The following ZNF461 variants were observed in gnomAD, a reference collection of about 807,000 sequenced individuals.
The protein encoded by ZNF461 is zinc finger protein 461, also known as gonadotropin-inducible ovarian transcription factor-1.
Under a neutral mutation model 18.3 loss-of-function variants are expected in ZNF461, and 16 were observed. That is an observed-to-expected ratio of 0.88 (90% CI 0.59 to 1.33). The LOEUF is 1.33. Among genes scored for constraint, ZNF461 ranks in the 40% most tolerant of loss-of-function variants. The pLI, the probability that ZNF461 is intolerant of heterozygous loss-of-function variation, is 0.00. For missense variants in ZNF461, 595 were observed against 669.9 expected, an observed-to-expected ratio of 0.89 and a Z score of 1.23; for synonymous variants, 179 against 216.9, an observed-to-expected ratio of 0.83 and a Z score of 1.54.
At position 36,636,878 on chromosome 19, in the gene ZNF461, C is replaced by T. The variant is rs2037301655; in HGVS notation, c.*1775G>A. 1.3e-5 allele frequency among the ~76,000 whole-genome samples: 2 copies of T among 152,216 alleles called. No individual in the cohort carries two copies. The highest frequency in any genetic ancestry group is 4.8e-5 in the African/African-American group (2 of 41,454). ...GGGAGTGGGCCTAACTAGAAGCCAG[C>T]ATATCTGGCCACATTCCAATGCTTC... On this transcript the variant is annotated 3_prime_UTR_variant, in exon 6 of 6. Transcript: ENST00000588268.
rs965933033 is a variant in ZNF461 at position 36,642,551 on chromosome 19, G to A, written c.301+1243C>T. Among the ~76,000 whole-genome samples the A allele has an allele frequency of 2.6e-5, 4 of 152,058 alleles. No individual in the cohort carries two copies. In the South Asian group the frequency reaches 8.3e-4, roughly 32 times the overall value. On this transcript the variant is annotated intron_variant, in intron 5 of 5. Transcript: ENST00000588268. The stretch of plus-strand genomic sequence containing the variant: ...ATGGGGAAGTGCAGGCAGGGAGGGC[G>A]GGCATATGAGCATATGCCAGGCACA...
rs2037722289 is a variant in ZNF461, at chr19:36,656,499, C to G, written c.181G>C (p.Gly61Arg). ...CTCACAACCATCCAGGGCTCCTTCC[C>G]TTGCTCCAATGAGGAGATTACGGCT... ...KPAVISSLEQ[G>R]KEPWMVVREE... The change falls in exon 4 of 6, where the codon GGG (glycine) becomes CGG (arginine). Residue 61 changes from glycine to arginine, a missense_variant. By Grantham distance (125) the Gly-to-Arg change is moderately radical. Coordinates refer to ENST00000588268, the MANE Select transcript of ZNF461 (RefSeq NM_153257.5). 2 of 1,614,152 alleles carry G rather than the reference C, an allele frequency of 1.2e-6. No individual in the cohort carries two copies. The highest frequency in any genetic ancestry group is 1.1e-5 in the South Asian group (1 of 91,082).
chr19:36,652,330 A>G (rs1187633995), intron 4 of ZNF461, among the ~76,000 whole-genome samples: 1 of 90,108 alleles, frequency 1.1e-5, no homozygotes, highest in Non-Finnish European at 2.6e-5. Context: ...CGCCTCTACT[A>G]AAAAAAAAAA....
At chr19:36,644,221 C>A (rs929702590) in intron 4 of ZNF461, among the ~76,000 whole-genome samples, 6 of 151,748 alleles carry the variant, frequency 4.0e-5, no homozygotes, top group African/African-American at 1.5e-4. Context: ...GTGTGAGCCA[C>A]CACACCCAGC....
In ZNF461 at chr19:36,637,028, A is replaced by G. The variant is rs1367358575; in HGVS notation, c.*1625T>C. On this transcript the variant is annotated 3_prime_UTR_variant, in exon 6 of 6. Transcript: ENST00000588268. Reference sequence around the variant, plus strand: ...CAGAGGCCTCTTGTGGCTTTCCACAACTTATTGTCCCATATTTTTATGGCC... The same window carrying G: ...CAGAGGCCTCTTGTGGCTTTCCACAGCTTATTGTCCCATATTTTTATGGCC... Among the ~76,000 whole-genome samples the G allele has an allele frequency of 6.6e-6, 1 of 152,112 alleles. No individual in the cohort carries two copies. The highest frequency in any genetic ancestry group is 1.5e-5 in the Non-Finnish European group (1 of 68,014).
Position 36,637,691 on chromosome 19 carries a change from A to G in ZNF461, c.*962T>C, listed in dbSNP as rs1460383492. 16 of 273,570 alleles carry G rather than the reference A, an allele frequency of 5.8e-5. No individual in the cohort carries two copies. The East Asian group carries it at 1.2e-3, about 21-fold the overall frequency. 16.9% of individuals were successfully genotyped at this position (273,570 alleles called of 1,614,324 possible). A position where few individuals can be genotyped will look rare whatever the true frequency, so the allele number is the denominator to read the frequency against. On this transcript the variant is annotated 3_prime_UTR_variant, in exon 6 of 6. Transcript: ENST00000588268. ...CAGCCTGGGTGTGTCTCAAAAAAAA[A>G]AAAAATGAAGTAGGCCAAATGTGGA...
At chr19:36,640,161 G>T in intron 5 of ZNF461, 118 bp from the exon 6 acceptor site, 1 of 906,884 alleles carries the variant, frequency 1.1e-6, no homozygotes, top group African/African-American at 1.7e-5. Flanking sequence ...AAGGCTTGGA[G>T]AACTCTTAAA....
chr19:36,639,170 T>C lies in ZNF461; in HGVS notation c.1175A>G (p.Lys392Arg). Residue 392 changes from lysine (K) to arginine (R), a missense_variant, in exon 6 of 6, where the codon AAG (lysine) becomes AGG (arginine). Transcript: ENST00000588268. The stretch of plus-strand genomic sequence containing the variant: ...GAAGCTTGAGTGATAGCTAAAGGCC[T>C]TCCCACATTCCCGACATTCATAGGG... ...EKPYECRECGKAFSYHSSFSH... is the reference protein window; with the variant it reads ...EKPYECRECGRAFSYHSSFSH... The C allele has an allele frequency of 6.2e-7, 1 of 1,614,122 alleles. No individual in the cohort carries two copies. Among genetic ancestry groups the C allele is most frequent in the Non-Finnish European group, 8.5e-7 (1 of 1,180,030 alleles).
chr19:36,652,169 A>T (rs1029926402), intron 4 of ZNF461, among the ~76,000 whole-genome samples: 2 of 152,138 alleles, frequency 1.3e-5, no homozygotes, highest in African/African-American at 4.8e-5. Context: ...CACAAAATGA[A>T]CCACGAACTT....
chr19:36,637,837 C>G lies in ZNF461; in HGVS notation c.*816G>C, dbSNP rs1207836369. The G allele has an allele frequency of 2.3e-6, 1 of 433,558 alleles. No individual in the cohort carries two copies. The highest frequency in any genetic ancestry group is 2.0e-5 in the African/African-American group (1 of 49,088). The allele number at this position is 433,558 out of a possible 1,614,324, so 26.9% of individuals were successfully genotyped here. A position where few individuals can be genotyped will look rare whatever the true frequency, so the allele number is the denominator to read the frequency against. ...AAAAGGAAACTGATAGCAGTTGTTGCATCTGTGGAAAGTGAGTGGCTACAG... is the reference window on the plus strand; with the variant it reads ...AAAAGGAAACTGATAGCAGTTGTTGGATCTGTGGAAAGTGAGTGGCTACAG... On this transcript the variant is annotated 3_prime_UTR_variant, in exon 6 of 6. Transcript: ENST00000588268.
intron 4 of ZNF461, among the ~76,000 whole-genome samples, chr19:36,644,579 G>GTT (rs199702922): frequency 1.9e-4 from 28 of 148,522 alleles, no homozygotes; most frequent in East Asian, 6.2e-4. Context: ...AGTTTTTTGT[G>GTT]TTTTTTTTTG....
Position 36,641,379 on chromosome 19 carries a change from C to T in ZNF461, c.302-1336G>A, listed in dbSNP as rs182759142. Among the ~76,000 whole-genome samples the T allele has an allele frequency of 5.5e-3, 830 of 151,732 alleles. 22 individuals are homozygous for T. Among genetic ancestry groups the T allele is most frequent in the Admixed American group, 0.037 (561 of 15,212 alleles). ...ACTAAAAATACAAAAATTAGCTGGACGTGGTGGCGGATGCCTGTAATCCCA... is the reference window on the plus strand; with the variant it reads ...ACTAAAAATACAAAAATTAGCTGGATGTGGTGGCGGATGCCTGTAATCCCA... On this transcript the variant is annotated intron_variant, in intron 5 of 5. Coordinates refer to ENST00000588268, the MANE Select transcript of ZNF461 (RefSeq NM_153257.5).
chr19:36,666,282 T>G (rs566637297), intron 1 of ZNF461, among the ~76,000 whole-genome samples: 2 of 151,886 alleles, frequency 1.3e-5, no homozygotes, highest in East Asian at 3.9e-4. Context: ...TTAGTAGAGG[T>G]GGGGTTTCTC....
Position 36,639,202 on chromosome 19 carries a change from A to G in ZNF461, c.1143T>C (p.Gly381=), listed in dbSNP as rs1438121718. 6.2e-7 allele frequency: 1 copy of G among 1,614,126 alleles called. No individual in the cohort carries two copies. ...HLTIHQRIHT[G]EKPYECRECG... Reference sequence around the variant, plus strand: ...ATTCCCGACATTCATAGGGTTTCTCACCAGTATGAATTCTCTGATGTATAG... The same window carrying G: ...ATTCCCGACATTCATAGGGTTTCTCGCCAGTATGAATTCTCTGATGTATAG... The change falls in exon 6 of 6, where the codon GGT becomes GGC. Residue 381 remains glycine (G), a synonymous_variant. Coordinates refer to ENST00000588268, the MANE Select transcript of ZNF461 (RefSeq NM_153257.5).
chr19:36,661,371 C>A (rs1281128461), intron 2 of ZNF461, among the ~76,000 whole-genome samples: 1 of 151,266 alleles, frequency 6.6e-6, no homozygotes, highest in Non-Finnish European at 1.5e-5. Flanking sequence ...ACATTGCAAA[C>A]CTTAACCCCT....
At chr19:36,640,154 G>T in intron 5 of ZNF461, 111 bp from the exon 6 acceptor site, 2 of 977,174 alleles carry the variant, frequency 2.0e-6, no homozygotes, top group Non-Finnish European at 2.9e-6. Flanking sequence ...GAAATAAAAG[G>T]CTTGGAGAAC....
intron 4 of ZNF461, among the ~76,000 whole-genome samples, chr19:36,655,562 G>A (rs1232943603): frequency 6.6e-6 from 1 of 152,166 alleles, no homozygotes; most frequent in African/African-American, 2.4e-5. Context: ...TTGCACCACT[G>A]TACTCCATCC....
intron 1 of ZNF461, among the ~76,000 whole-genome samples, chr19:36,665,401 T>C (rs1600453269): frequency 6.6e-6 from 1 of 152,110 alleles, no homozygotes; most frequent in Non-Finnish European, 1.5e-5. Context: ...CAAAAGGACA[T>C]AAATATCTTT....
intron 4 of ZNF461, among the ~76,000 whole-genome samples, chr19:36,652,426 G>A (rs1300811256): frequency 6.6e-6 from 1 of 151,210 alleles, no homozygotes; most frequent in Non-Finnish European, 1.5e-5. Flanking sequence ...ACTTGAACCT[G>A]GGAGGTGGAC....
Sources: allele counts gnomAD v4.1 joint callset (sites outside exome capture counted in the v4.1 genomes callset), GRCh38; gene constraint gnomAD v4.1.1; transcripts MANE v1.5; gene names NCBI Gene and HGNC (gene_info 2026-07-23, HGNC 2026-07-21).